The following ILRUN variants were observed in gnomAD, a reference collection of about 807,000 sequenced individuals.
ILRUN encodes the protein protein ILRUN.
A neutral mutation model predicts 33.8 loss-of-function variants in ILRUN; 3 were observed. The observed-to-expected ratio is 0.09, with a 90% CI of 0.04 to 0.23. The LOEUF (loss-of-function observed/expected upper bound fraction) is 0.23, where lower values mean the gene tolerates loss of function less well. Ranked by LOEUF, ILRUN falls within the 10% of genes least tolerant of loss-of-function variation. The pLI is 1.00. For synonymous variants in ILRUN, 124 were observed against 138.9 expected, an observed-to-expected ratio of 0.89 and a Z score of 0.75; for missense variants, 210 against 375.1, an observed-to-expected ratio of 0.56 and a Z score of 3.64.
chr6:34,630,708 TCTCA>T (rs1179203971), intron 3 of ILRUN, among the ~76,000 whole-genome samples: 1 of 152,010 alleles, frequency 6.6e-6, no homozygotes, highest in Non-Finnish European at 1.5e-5. Context: ...AGCAATGAGG[TCTCA>T]CTATGTTGCC....
chr6:34,610,451 T>G (rs193093902), intron 3 of ILRUN, among the ~76,000 whole-genome samples: 10 of 152,314 alleles, frequency 6.6e-5, no homozygotes, highest in Non-Finnish European at 1.0e-4. Context: ...ATTCCTTCAC[T>G]CTACTATTTG....
At chr6:34,605,573 C>T (rs1213410886) in intron 4 of ILRUN, among the ~76,000 whole-genome samples, 1 of 151,344 alleles carries the variant, frequency 6.6e-6, no homozygotes, top group Non-Finnish European at 1.5e-5. Flanking sequence ...AGGTTGCAGT[C>T]AGCCGAGATT....
At chr6:34,608,470 A>G (rs892060457) in intron 3 of ILRUN, among the ~76,000 whole-genome samples, 3 of 152,238 alleles carry the variant, frequency 2.0e-5, no homozygotes, top group Non-Finnish European at 4.4e-5. Context: ...GTACCTGCCT[A>G]GGGAACTTAC....
chr6:34,620,180 A>C (rs1761984349), intron 3 of ILRUN, among the ~76,000 whole-genome samples: 1 of 152,134 alleles, frequency 6.6e-6, no homozygotes, highest in Non-Finnish European at 1.5e-5. Flanking sequence ...TATCCATCTA[A>C]ATATATTACG....
At chr6:34,644,141 T>A (rs12524818) in intron 3 of ILRUN, among the ~76,000 whole-genome samples, 2 of 152,226 alleles carry the variant, frequency 1.3e-5, no homozygotes, top group Admixed American at 1.3e-4. Context: ...TATTTTAAAT[T>A]TAACACTAAA....
At chr6:34,661,438 G>A (rs187837655) in intron 1 of ILRUN, among the ~76,000 whole-genome samples, 11 of 152,210 alleles carry the variant, frequency 7.2e-5, no homozygotes, top group African/African-American at 2.6e-4. Flanking sequence ...GGCTGGGCAC[G>A]GTGGCTCATG....
At chr6:34,676,375 G>C (rs571289500) in intron 1 of ILRUN, among the ~76,000 whole-genome samples, 104 of 146,228 alleles carry the variant, frequency 7.1e-4, no homozygotes, top group African/African-American at 2.7e-3. Context: ...CTCTAGCCTG[G>C]GCAACAGAGC....
chr6:34,600,729 G>A (rs1019205188), intron 4 of ILRUN, among the ~76,000 whole-genome samples: 2 of 152,174 alleles, frequency 1.3e-5, no homozygotes, highest in Non-Finnish European at 2.9e-5. Context: ...CTGGTGGGGG[G>A]AAGAGGTTTA....
chr6:34,659,618 C>CTTTT (rs985939505), intron 1 of ILRUN, among the ~76,000 whole-genome samples: 6 of 91,448 alleles, frequency 6.6e-5, no homozygotes, highest in Non-Finnish European at 1.2e-4. Flanking sequence ...ATAAGGCAGT[C>CTTTT]TTTTTTTTTT....
intron 2 of ILRUN, among the ~76,000 whole-genome samples, chr6:34,648,097 G>C (rs1264420077): frequency 6.6e-6 from 1 of 152,224 alleles, no homozygotes; most frequent in African/African-American, 2.4e-5. Context: ...TAGCCACACA[G>C]TGACTAGATG....
chr6:34,626,613 C>T (rs1323904677), intron 3 of ILRUN, among the ~76,000 whole-genome samples: 1 of 152,220 alleles, frequency 6.6e-6, no homozygotes, highest in African/African-American at 2.4e-5. Context: ...AACACTGACA[C>T]ACCATTATCA....
In ILRUN at chr6:34,588,029, AG is replaced by A; in HGVS notation, c.*2535del. ...GGTAGCCACTACCACCCCACTAGGC[AG>A]GGGAGCAGAGAGGGGCCCTAGGCAT... On this transcript the variant is annotated 3_prime_UTR_variant, in exon 5 of 5. Transcript: ENST00000374023. 2.5e-6 allele frequency: 1 copy of A among 398,748 alleles called. No individual in the cohort carries two copies. Among genetic ancestry groups the A allele is most frequent in the Non-Finnish European group, 4.4e-6 (1 of 226,170 alleles). 24.7% of individuals were successfully genotyped at this position (398,748 alleles called of 1,614,324 possible).
chr6:34,630,989 T>G (rs750006423), intron 3 of ILRUN, among the ~76,000 whole-genome samples: 7 of 152,248 alleles, frequency 4.6e-5, no homozygotes, highest in Non-Finnish European at 1.0e-4. Flanking sequence ...TCTTAGAATT[T>G]CCATCTCCCT....
At chr6:34,594,942 G>C (rs985086496) in intron 4 of ILRUN, among the ~76,000 whole-genome samples, 21 of 152,190 alleles carry the variant, frequency 1.4e-4, no homozygotes, top group Admixed American at 9.2e-4. Context: ...GCCCAGGCTG[G>C]TCTTGAACTC....
chr6:34,654,547 A>C, intron 2 of ILRUN, 78 bp downstream of exon 2: 3 of 1,441,222 alleles, frequency 2.1e-6, no homozygotes, highest in African/African-American at 2.8e-5. Context: ...CACATACATA[A>C]GCTAAAACAT....
chr6:34,659,360 C>T lies in ILRUN; in HGVS notation c.159-4581G>A, dbSNP rs555573587. Among the ~76,000 whole-genome samples, 22 of 152,300 alleles carry T rather than the reference C, an allele frequency of 1.4e-4. No individual in the cohort carries two copies. The East Asian group carries it at 2.9e-3, about 20-fold the overall frequency. On this transcript the variant is annotated intron_variant, in intron 1 of 4. Coordinates refer to ENST00000374023, the MANE Select transcript of ILRUN (RefSeq NM_024294.4). ...ATAGATGAGGCTACTGAGGCACTGA[C>T]AGGCGAGGTTAATTTGCCCTAGGCT...
At chr6:34,656,309 T>A (rs921005283) in intron 1 of ILRUN, among the ~76,000 whole-genome samples, 2 of 152,088 alleles carry the variant, frequency 1.3e-5, no homozygotes, top group African/African-American at 4.8e-5. Flanking sequence ...GTTGGTGTTC[T>A]TTTTAATTAC....
intron 1 of ILRUN, among the ~76,000 whole-genome samples, chr6:34,665,326 T>G (rs1410590520): frequency 6.7e-6 from 1 of 150,228 alleles, no homozygotes; most frequent in Admixed American, 6.6e-5. Context: ...TAGCCAGGCT[T>G]GGTGGCACAC....
At chr6:34,656,105 G>A (rs928996079) in intron 1 of ILRUN, among the ~76,000 whole-genome samples, 5 of 151,664 alleles carry the variant, frequency 3.3e-5, no homozygotes, top group South Asian at 2.1e-4. Context: ...GCACGGTGGC[G>A]GGCACCTGTA....
Sources: allele counts gnomAD v4.1 joint callset (sites outside exome capture counted in the v4.1 genomes callset), GRCh38; gene constraint gnomAD v4.1.1; transcripts MANE v1.5; gene names NCBI Gene and HGNC (gene_info 2026-07-23, HGNC 2026-07-21).